Variants in CPNE4 observed in about 807,000 individuals in gnomAD.
CPNE4 encodes copine 4, also known as copine-4.
A neutral mutation model predicts 67.9 loss-of-function variants in CPNE4; 25 were observed. The observed-to-expected ratio is 0.37, with a 90% CI of 0.27 to 0.51. CPNE4 has a LOEUF of 0.51. CPNE4 is among the 20% of genes least tolerant of loss of function. CPNE4 has a pLI of 0.93. For missense variants in CPNE4, 464 were observed against 690.8 expected (o/e 0.67, Z 3.68); for synonymous variants, 242 against 244.9 (o/e 0.99, Z 0.11).
At chr3:131,832,810 T>C (rs1211181289) in intron 2 of CPNE4, among the ~76,000 whole-genome samples, 1 of 152,098 alleles carries the variant, frequency 6.6e-6, no homozygotes, top group Non-Finnish European at 1.5e-5. Flanking sequence ...CTGGAAAGAG[T>C]TGAGACTTTT....
chr3:131,940,589 ATATTGTTTCCAG>A (rs1194101620), intron 1 of CPNE4, among the ~76,000 whole-genome samples: 1 of 152,122 alleles, frequency 6.6e-6, no homozygotes, highest in Non-Finnish European at 1.5e-5. Context: ...AGTCGGGTGT[ATATTGTTTCCAG>A]TATACCAGTG....
At position 131,667,204 on chromosome 3, in the gene CPNE4, GA is replaced by G. The variant is rs543365942; in HGVS notation, c.681+2470del. Among the ~76,000 whole-genome samples, 52 of 151,170 alleles carry G rather than the reference GA, an allele frequency of 3.4e-4. 1 individual carries two copies. In the Middle Eastern group the frequency reaches 0.014, roughly 40 times the overall value. ...AAAAGTTCGTTGCTTTCTGATGCAA[GA>G]AAAAAAAATTAGAATATTTTAGTTA... On this transcript the variant is annotated intron_variant, in intron 7 of 15. Transcript: ENST00000429747.
At chr3:131,709,209 T>A (rs2081499510) in intron 3 of CPNE4, among the ~76,000 whole-genome samples, 1 of 151,890 alleles carries the variant, frequency 6.6e-6, no homozygotes, top group Non-Finnish European at 1.5e-5. Context: ...AATGAGCCTA[T>A]ATTATCTTTG....
rs551732256 is a variant in CPNE4, at chr3:132,009,566, T to C, written c.-2+25001A>G. On this transcript the variant is annotated intron_variant, in intron 1 of 15. Coordinates refer to ENST00000429747, the MANE Select transcript of CPNE4 (RefSeq NM_130808.3). The stretch of plus-strand genomic sequence containing the variant: ...AGGGTGTCTGAGAAATTTGGGAAGA[T>C]GCCAGCAAGGTGAAGGTTTTCAATG... Among the ~76,000 whole-genome samples, 28 of 152,272 alleles carry C rather than the reference T, an allele frequency of 1.8e-4. 1 individual carries two copies. The South Asian group carries it at 4.4e-3, about 24-fold the overall frequency.
At chr3:131,690,044 C>T (rs972130764) in intron 5 of CPNE4, among the ~76,000 whole-genome samples, 2 of 152,086 alleles carry the variant, frequency 1.3e-5, no homozygotes, top group African/African-American at 4.8e-5. Flanking sequence ...TCATAGATGA[C>T]ACAAACAAAT....
intron 1 of CPNE4, among the ~76,000 whole-genome samples, chr3:132,024,758 C>T (rs932040841): frequency 1.3e-5 from 2 of 152,118 alleles, no homozygotes; most frequent in African/African-American, 4.8e-5. Flanking sequence ...GACAGGGTGG[C>T]TGTGAGTCTT....
chr3:131,976,937 G>A (rs1420764413), intron 1 of CPNE4, among the ~76,000 whole-genome samples: 1 of 151,964 alleles, frequency 6.6e-6, no homozygotes, highest in Non-Finnish European at 1.5e-5. Context: ...GAGTAGCTGG[G>A]ATTACAGGCA....
At chr3:131,709,266 G>A (rs2081500774) in intron 3 of CPNE4, among the ~76,000 whole-genome samples, 1 of 152,006 alleles carries the variant, frequency 6.6e-6, no homozygotes, top group Admixed American at 6.6e-5. Flanking sequence ...ATGCAATGGA[G>A]GGACGGAAAA....
chr3:131,568,875 T>G (rs1484220136), intron 10 of CPNE4, among the ~76,000 whole-genome samples: 1 of 152,056 alleles, frequency 6.6e-6, no homozygotes, highest in Non-Finnish European at 1.5e-5. Context: ...AGCTGCTGTG[T>G]AACAACCTCT....
chr3:131,616,549 C>T (rs1395487986), intron 7 of CPNE4, among the ~76,000 whole-genome samples: 2 of 152,202 alleles, frequency 1.3e-5, no homozygotes, highest in Non-Finnish European at 2.9e-5. Flanking sequence ...AACATAAACT[C>T]CTATGAAAAG....
At chr3:131,868,868 G>A (rs539105416) in intron 2 of CPNE4, among the ~76,000 whole-genome samples, 3 of 152,074 alleles carry the variant, frequency 2.0e-5, no homozygotes, top group Non-Finnish European at 4.4e-5. Flanking sequence ...TAGAGTGAAC[G>A]ACCGTCTCTT....
At chr3:131,953,239 TAA>T (rs1167094357) in intron 1 of CPNE4, among the ~76,000 whole-genome samples, 102 of 97,110 alleles carry the variant, frequency 1.1e-3, no homozygotes, top group East Asian at 1.8e-3. Context: ...AATGATCAAT[TAA>T]AAAAAAAAAA....
intron 2 of CPNE4, among the ~76,000 whole-genome samples, chr3:131,812,900 G>A (rs1296538498): frequency 1.3e-5 from 2 of 152,038 alleles, no homozygotes; most frequent in Admixed American, 1.3e-4. Context: ...AAGGAATAAA[G>A]GAAAGAATAA....
intron 2 of CPNE4, among the ~76,000 whole-genome samples, chr3:131,756,360 G>T (rs1028675802): frequency 1.3e-5 from 2 of 152,128 alleles, no homozygotes; most frequent in South Asian, 2.1e-4. Flanking sequence ...AAGTTTCAGG[G>T]TCTACTATAC....
chr3:131,643,472 A>C (rs1352897287), intron 7 of CPNE4, among the ~76,000 whole-genome samples: 1 of 152,160 alleles, frequency 6.6e-6, no homozygotes, highest in Non-Finnish European at 1.5e-5. Flanking sequence ...CTTGCTTTTG[A>C]TTTCATAGGC....
At chr3:131,556,107 C>T (rs1234084534) in intron 11 of CPNE4, among the ~76,000 whole-genome samples, 1 of 152,044 alleles carries the variant, frequency 6.6e-6, no homozygotes, top group Non-Finnish European at 1.5e-5. Context: ...GGTGCAGTGG[C>T]TCACTCCTGT....
intron 2 of CPNE4, among the ~76,000 whole-genome samples, chr3:131,804,053 CCTCT>C (rs1186692354): frequency 2.6e-5 from 4 of 152,080 alleles, no homozygotes; most frequent in East Asian, 3.8e-4. Flanking sequence ...TCTCTCTCTC[CCTCT>C]CTAATACACA....
intron 2 of CPNE4, among the ~76,000 whole-genome samples, chr3:131,819,524 G>A (rs758275910): frequency 3.0e-4 from 36 of 119,622 alleles, no homozygotes; most frequent in East Asian, 1.1e-3. Context: ...ACACACACAC[G>A]CACAGTTTCC....
intron 3 of CPNE4, among the ~76,000 whole-genome samples, chr3:131,713,215 G>T (rs1020335671): frequency 3.3e-5 from 5 of 152,088 alleles, no homozygotes; most frequent in Non-Finnish European, 7.4e-5. Flanking sequence ...TATTGAGCTT[G>T]TAGAAGTATC....
Sources: allele counts gnomAD v4.1 joint callset (sites outside exome capture counted in the v4.1 genomes callset), GRCh38; gene constraint gnomAD v4.1.1; transcripts MANE v1.5; gene names NCBI Gene and HGNC (gene_info 2026-07-23, HGNC 2026-07-21).